The following KIF4B variants were observed in gnomAD, a reference collection of about 807,000 sequenced individuals.
The protein encoded by KIF4B is chromosome-associated kinesin KIF4B.
Under a neutral mutation model 69.0 loss-of-function variants are expected in KIF4B, and 60 were observed. The ratio of observed to expected loss-of-function variants is 0.87; its 90% CI spans 0.71 to 1.08. KIF4B has a LOEUF of 1.08. KIF4B is among the 50% of genes least tolerant of loss of function. The pLI, the probability that KIF4B is intolerant of heterozygous loss-of-function variation, is 0.00. For missense variants in KIF4B, 1,357 were observed against 1,451.9 expected (o/e 0.93, Z 1.06); for synonymous variants, 489 against 533.0 (o/e 0.92, Z 1.14).
rs1765292398 is a variant in KIF4B, at chr5:155,014,637, G to A, written c.778G>A (p.Gly260Ser). The A allele has an allele frequency of 6.2e-7, 1 of 1,614,106 alleles. No individual in the cohort carries two copies. Among genetic ancestry groups the A allele is most frequent in the African/African-American group, 1.3e-5 (1 of 75,008 alleles). The change falls in exon 1 of 1, where the codon GGT becomes AGT. Residue 260 changes from glycine to serine, a missense_variant. Physicochemically the swap from Gly to Ser is moderately conservative, Grantham distance 56. Transcript: ENST00000435029. ...TKAEGDRLKEGININRGLLCL... is the reference protein window; with the variant it reads ...TKAEGDRLKESININRGLLCL... The stretch of plus-strand genomic sequence containing the variant: ...GGCTGAAGGGGATCGTCTAAAAGAG[G>A]GTATTAATATTAACCGAGGCCTCCT...
chr5:155,017,659 G>A lies in KIF4B; in HGVS notation c.*95G>A. 1 of 1,477,310 alleles carries A rather than the reference G, an allele frequency of 6.8e-7. No homozygotes were observed. Among genetic ancestry groups the A allele is most frequent in the Non-Finnish European group, 8.9e-7 (1 of 1,117,506 alleles). The allele number at this position is 1,477,310 out of a possible 1,614,324, so 91.5% of individuals were successfully genotyped here. ...TTTTAAATGACTTCTCTGGATTTCA[G>A]GTTTCTTGCCGTTGAAAAAAAGGAA... On this transcript the variant is annotated 3_prime_UTR_variant, in exon 1 of 1. Transcript: ENST00000435029.
rs748797878 is a variant in KIF4B, at chr5:155,016,131, G to A, written c.2272G>A (p.Glu758Lys). 1.9e-6 allele frequency: 3 copies of A among 1,614,212 alleles called. No individual in the cohort carries two copies. Among genetic ancestry groups the A allele is most frequent in the Non-Finnish European group, 2.5e-6 (3 of 1,180,048 alleles). Residue 758 changes from glutamate to lysine, a missense_variant, in exon 1 of 1, where the codon GAG becomes AAG. Transcript: ENST00000435029. The part of the protein sequence containing the change: ...GNEIEVMVST[E>K]EAKRHLNDLL... Reference sequence around the variant, plus strand: ...TGAAATTGAGGTTATGGTCAGTACTGAGGAAGCCAAACGCCATCTGAATGA... The same window carrying A: ...TGAAATTGAGGTTATGGTCAGTACTAAGGAAGCCAAACGCCATCTGAATGA...
Position 155,017,640 on chromosome 5 carries a change from A to G in KIF4B, c.*76A>G. The G allele has an allele frequency of 6.6e-7, 1 of 1,504,176 alleles. No homozygotes were observed. The highest frequency in any genetic ancestry group is 8.8e-7 in the Non-Finnish European group (1 of 1,131,848). 93.2% of individuals were successfully genotyped at this position (1,504,176 alleles called of 1,614,324 possible). ...GTTGCAGCCAGAAGGGGTTTTTTAAATGACTTCTCTGGATTTCAGGTTTCT... is the reference window on the plus strand; with the variant it reads ...GTTGCAGCCAGAAGGGGTTTTTTAAGTGACTTCTCTGGATTTCAGGTTTCT... On this transcript the variant is annotated 3_prime_UTR_variant, in exon 1 of 1. Coordinates refer to ENST00000435029, the MANE Select transcript of KIF4B (RefSeq NM_001099293.3).
Position 155,014,129 on chromosome 5 carries a change from T to A in KIF4B, c.270T>A (p.Thr90=), listed in dbSNP as rs773507200. ...CAACGGTCCTGGCCTATGGGCAGAC[T>A]GGCTCTGGAAAAACCTATTCAATGG... ...YNATVLAYGQ[T]GSGKTYSMGG... Residue 90 remains threonine, a synonymous_variant, in exon 1 of 1, where the codon ACT becomes ACA. Transcript: ENST00000435029. 8 of 1,614,272 alleles carry A rather than the reference T, an allele frequency of 5.0e-6. No individual in the cohort carries two copies. The highest frequency in any genetic ancestry group is 6.8e-6 in the Non-Finnish European group (8 of 1,180,048).
Position 155,015,831 on chromosome 5 carries a change from G to A in KIF4B, c.1972G>A (p.Ala658Thr). The change falls in exon 1 of 1, where the codon GCT (alanine) becomes ACT (threonine). Residue 658 changes from alanine to threonine, a missense_variant. Transcript: ENST00000435029. ...VQLMRQMKED[A>T]EKFRQWKQKK... ...GTTAATGCGTCAAATGAAAGAGGAT[G>A]CTGAGAAGTTTAGACAATGGAAGCA... The A allele has an allele frequency of 2.5e-6, 4 of 1,614,236 alleles. No individual in the cohort carries two copies. The highest frequency in any genetic ancestry group is 3.4e-6 in the Non-Finnish European group (4 of 1,180,046).
Position 155,013,779 on chromosome 5 carries a change from C to T in KIF4B, c.-81C>T. ...GGGATTTGAAACTTGGCGGTTAAAG[C>T]TCCGGCTGGGACAGGGCGGCGGGAG... On this transcript the variant is annotated 5_prime_UTR_variant, in exon 1 of 1. Coordinates refer to ENST00000435029, the MANE Select transcript of KIF4B (RefSeq NM_001099293.3). The T allele has an allele frequency of 1.3e-6, 2 of 1,571,350 alleles. No homozygotes were observed. The highest frequency in any genetic ancestry group is 2.4e-5 in the South Asian group (2 of 83,976).
chr5:155,018,002 G>C lies in KIF4B; in HGVS notation c.*438G>C. The C allele has an allele frequency of 5.2e-6, 1 of 191,044 alleles. No individual in the cohort carries two copies. The highest frequency in any genetic ancestry group is 5.4e-5 in the Admixed American group (1 of 18,512). The allele number at this position is 191,044 out of a possible 1,614,324, so 11.8% of individuals were successfully genotyped here. A position where few individuals can be genotyped will look rare whatever the true frequency, so the allele number is the denominator to read the frequency against. ...TTCACTCCACCTCGGGAATGGGGTT[G>C]TGATCTTTCCTGTCCTGACCCCCTC... On this transcript the variant is annotated 3_prime_UTR_variant, in exon 1 of 1. Transcript: ENST00000435029.
At position 155,015,866 on chromosome 5, in the gene KIF4B, CAAA is replaced by C. The variant is rs1369711188; in HGVS notation, c.2008_2010del (p.Lys670del). ...TTAGACAATGGAAGCAGAAAAAAGACAAAGAAGTAATACAGTTGAAAGAACGAG... is the reference window on the plus strand; with the variant it reads ...TTAGACAATGGAAGCAGAAAAAAGACGAAGTAATACAGTTGAAAGAACGAG... On this transcript the variant is annotated inframe_deletion, in exon 1 of 1. Coordinates refer to ENST00000435029, the MANE Select transcript of KIF4B (RefSeq NM_001099293.3). The C allele has an allele frequency of 1.2e-6, 2 of 1,614,002 alleles. No homozygotes were observed. The highest frequency in any genetic ancestry group is 1.7e-6 in the Non-Finnish European group (2 of 1,180,036).
rs768593085 is a variant in KIF4B at position 155,016,641 on chromosome 5, C to T, written c.2782C>T (p.Gln928Ter). 9.9e-6 allele frequency: 16 copies of T among 1,614,030 alleles called. No homozygotes were observed. The African/African-American group carries it at 2.1e-4, about 22-fold the overall frequency. ...AELVRMEQQH[Q>*]EKVLYLVSQL... ...GCTGGTCAGAATGGAGCAACAGCAC[C>T]AAGAGAAGGTGCTATACCTTGTCAG... The change falls in exon 1 of 1, where the codon CAA becomes TAA. Residue 928 changes from glutamine (Q) to a stop codon, truncating the protein, a stop_gained. Transcript: ENST00000435029. LOFTEE classifies it low-confidence loss of function (END_TRUNC).
At position 155,017,229 on chromosome 5, in the gene KIF4B, C is replaced by A; in HGVS notation, c.3370C>A (p.Gln1124Lys). Reference sequence around the variant, plus strand: ...CCCCACAAAGTGTCGGAACCGCCAGCAAGGCAAGGATAGCTTGGGCACTGT... The same window carrying A: ...CCCCACAAAGTGTCGGAACCGCCAGAAAGGCAAGGATAGCTTGGGCACTGT... ...CDPTKCRNRQ[Q>K]GKDSLGTVEQ... The change falls in exon 1 of 1, where the codon CAA becomes AAA. Residue 1124 changes from glutamine to lysine, a missense_variant. Gln to Lys is a moderately conservative substitution (Grantham distance 53, BLOSUM62 1). Transcript: ENST00000435029. 1 of 1,614,194 alleles carries A rather than the reference C, an allele frequency of 6.2e-7. No homozygotes were observed. The highest frequency in any genetic ancestry group is 2.2e-5 in the East Asian group (1 of 44,876).
In KIF4B at chr5:155,017,407, C is replaced by G. The variant is rs376245056; in HGVS notation, c.3548C>G (p.Thr1183Ser). 52 of 1,614,078 alleles carry G rather than the reference C, an allele frequency of 3.2e-5. No individual in the cohort carries two copies. The African/African-American group carries it at 5.6e-4, about 17-fold the overall frequency. Residue 1183 changes from threonine to serine, a missense_variant, in exon 1 of 1, where the codon ACT becomes AGT. By Grantham distance (58) the Thr-to-Ser change is moderately conservative. Transcript: ENST00000435029. ...CDMEQVLSKK[T>S]APAPSPFDLP... ...ATGGAGCAGGTGCTGTCAAAGAAGA[C>G]TGCTCCAGCTCCCTCCCCTTTTGAC...
In KIF4B at chr5:155,015,743, C is replaced by T. The variant is rs1765315892; in HGVS notation, c.1884C>T (p.Ser628=). ...CCAAACTTCTGAAACTAAAGGAATC[C>T]ACAGAGCGTACTGTCTCCAAGCTGA... ...EQSKLLKLKE[S]TERTVSKLNQ... The change falls in exon 1 of 1, where the codon TCC becomes TCT. Residue 628 remains serine, a synonymous_variant. Coordinates refer to ENST00000435029, the MANE Select transcript of KIF4B (RefSeq NM_001099293.3). The T allele has an allele frequency of 6.2e-7, 1 of 1,614,000 alleles. No individual in the cohort carries two copies. The highest frequency in any genetic ancestry group is 1.7e-5 in the Admixed American group (1 of 60,012).
Position 155,015,615 on chromosome 5 carries a change from A to G in KIF4B, c.1756A>G (p.Lys586Glu), listed in dbSNP as rs758637208. 2 of 1,614,238 alleles carry G rather than the reference A, an allele frequency of 1.2e-6. No homozygotes were observed. Among genetic ancestry groups the G allele is most frequent in the Non-Finnish European group, 1.7e-6 (2 of 1,180,038 alleles). Residue 586 changes from lysine to glutamate, a missense_variant, in exon 1 of 1, where the codon AAG (lysine) becomes GAG (glutamate). Lys to Glu is a moderately conservative substitution (Grantham distance 56). Coordinates refer to ENST00000435029, the MANE Select transcript of KIF4B (RefSeq NM_001099293.3). The part of the protein sequence containing the change: ...EELVRELQTA[K>E]KNVNQAKLSE... Reference sequence around the variant, plus strand: ...ATTGGTTCGTGAACTTCAGACAGCAAAGAAGAATGTCAACCAAGCCAAGCT... The same window carrying G: ...ATTGGTTCGTGAACTTCAGACAGCAGAGAAGAATGTCAACCAAGCCAAGCT...
Position 155,017,606 on chromosome 5 carries a change from T to C in KIF4B, c.*42T>C. The stretch of plus-strand genomic sequence containing the variant: ...TCTACCCCCAATCTGGCTTGGGAGA[T>C]GCTTTCCAGTTGCAGCCAGAAGGGG... On this transcript the variant is annotated 3_prime_UTR_variant, in exon 1 of 1. Transcript: ENST00000435029. The C allele has an allele frequency of 6.4e-7, 1 of 1,570,398 alleles. No individual in the cohort carries two copies. The highest frequency in any genetic ancestry group is 8.6e-7 in the Non-Finnish European group (1 of 1,162,642).
In KIF4B at chr5:155,015,387, G is replaced by T. The variant is rs199913629; in HGVS notation, c.1528G>T (p.Ala510Ser). The T allele has an allele frequency of 3.2e-4, 520 of 1,614,178 alleles. 5 individuals are homozygous for T. Among genetic ancestry groups the T allele is most frequent in the Middle Eastern group, 1.6e-4 (1 of 6,062 alleles). ...TCCAGAGACAAGCAGGTCTTCTGAC[G>T]CTTTTACCACTCAGCATGCTCTCCA... is the stretch of plus-strand genomic sequence containing the variant. Reference protein sequence around the residue: ...TSPETSRSSDAFTTQHALHQA... With the variant: ...TSPETSRSSDSFTTQHALHQA... Residue 510 changes from alanine to serine, a missense_variant, in exon 1 of 1, where the codon GCT (alanine) becomes TCT (serine). Coordinates refer to ENST00000435029, the MANE Select transcript of KIF4B (RefSeq NM_001099293.3).
chr5:155,016,582 A>G lies in KIF4B; in HGVS notation c.2723A>G (p.His908Arg). Residue 908 changes from histidine to arginine, a missense_variant, in exon 1 of 1, where the codon CAT becomes CGT. Coordinates refer to ENST00000435029, the MANE Select transcript of KIF4B (RefSeq NM_001099293.3). ...AAGATGCTATTTGAGGAACAAAATC[A>G]TTTTTCTGAGATAGAGACAGAGTTA... is the stretch of plus-strand genomic sequence containing the variant. ...MQKMLFEEQN[H>R]FSEIETELQA... The G allele has an allele frequency of 6.2e-7, 1 of 1,614,176 alleles. No individual in the cohort carries two copies. Among genetic ancestry groups the G allele is most frequent in the Non-Finnish European group, 8.5e-7 (1 of 1,180,032 alleles).
In KIF4B at chr5:155,015,966, A is replaced by G; in HGVS notation, c.2107A>G (p.Lys703Glu). The G allele has an allele frequency of 1.2e-6, 2 of 1,614,254 alleles. No individual in the cohort carries two copies. The highest frequency in any genetic ancestry group is 1.7e-6 in the Non-Finnish European group (2 of 1,180,046). Reference sequence around the variant, plus strand: ...GAAACAATCCAGTGTGCTCAGACGTAAAACGGAAGAGGCAGCAGCTGCCAA... The same window carrying G: ...GAAACAATCCAGTGTGCTCAGACGTGAAACGGAAGAGGCAGCAGCTGCCAA... ...FQKQSSVLRR[K>E]TEEAAAANKR... Residue 703 changes from lysine (K) to glutamate (E), a missense_variant, in exon 1 of 1, where the codon AAA becomes GAA. Transcript: ENST00000435029.
Position 155,016,455 on chromosome 5 carries a change from G to T in KIF4B, c.2596G>T (p.Ala866Ser). Residue 866 changes from alanine to serine, a missense_variant, in exon 1 of 1, where the codon GCC (alanine) becomes TCC (serine). Ala to Ser is a moderately conservative substitution (Grantham distance 99). Transcript: ENST00000435029. ...NIATILEAKC[A>S]LKYLIGELVS... Reference sequence around the variant, plus strand: ...TGCCACCATTCTGGAAGCCAAGTGTGCCCTGAAATATTTGATTGGAGAGCT... The same window carrying T: ...TGCCACCATTCTGGAAGCCAAGTGTTCCCTGAAATATTTGATTGGAGAGCT... 1 of 1,614,208 alleles carries T rather than the reference G, an allele frequency of 6.2e-7. No individual in the cohort carries two copies. The highest frequency in any genetic ancestry group is 8.5e-7 in the Non-Finnish European group (1 of 1,180,032).
chr5:155,014,513 CT>C lies in KIF4B; in HGVS notation c.655del (p.Ser219ProfsTer2), dbSNP rs775408426. On this transcript the variant is annotated frameshift_variant, in exon 1 of 1. Transcript: ENST00000435029. LOFTEE classifies it high-confidence loss of function. ...SSRSHAIFTI[S>X]IEQRKKSDKN... ...CCCGATCTCATGCCATCTTTACAAT[CT>C]CCATAGAGCAAAGAAAGAAAAGTGA... 1 of 1,614,092 alleles carries C rather than the reference CT, an allele frequency of 6.2e-7. No homozygotes were observed.
Sources: allele counts gnomAD v4.1 joint callset, GRCh38; gene constraint gnomAD v4.1.1; transcripts MANE v1.5; gene names NCBI Gene and HGNC (gene_info 2026-07-23, HGNC 2026-07-21).